PTPRD: variants seen among roughly 807,000 people sequenced by gnomAD.
PTPRD encodes receptor-type tyrosine-protein phosphatase delta.
In PTPRD, 34 loss-of-function variants were observed where a neutral mutation model predicts 214.5. That is an observed-to-expected ratio of 0.16 (90% CI 0.12 to 0.21). The LOEUF (loss-of-function observed/expected upper bound fraction) is 0.21, where lower values mean the gene tolerates loss of function less well. Ranked by LOEUF, PTPRD falls within the 10% of genes least tolerant of loss-of-function variation. PTPRD has a pLI of 1.00. For synonymous variants in PTPRD, 1,128 were observed against 845.7 expected (o/e 1.33, Z -5.79); for missense variants, 2,545 against 2,398.7 (o/e 1.06, Z -1.27).
chr9:9,657,685 T>C (rs1272477901), intron 7 of PTPRD, among the ~76,000 whole-genome samples: 1 of 152,232 alleles, frequency 6.6e-6, no homozygotes, highest in African/African-American at 2.4e-5. Flanking sequence ...GTTTTTATTA[T>C]TGGCAGAATT....
intron 6 of PTPRD, among the ~76,000 whole-genome samples, chr9:9,742,481 C>T (rs2098414302): frequency 6.6e-6 from 1 of 152,010 alleles, no homozygotes; most frequent in Admixed American, 6.5e-5. Context: ...GTATGATTTT[C>T]TTTTTTGTAA....
intron 34 of PTPRD, among the ~76,000 whole-genome samples, chr9:8,437,993 C>T (rs950595697): frequency 6.6e-6 from 1 of 152,084 alleles, no homozygotes; most frequent in Non-Finnish European, 1.5e-5. Flanking sequence ...GATATAAATT[C>T]CAGCTGGCTA....
chr9:9,938,366 T>C (rs1156467436), intron 5 of PTPRD, 141 bp downstream of exon 5: 17 of 152,204 alleles, frequency 1.1e-4, no homozygotes, highest in Admixed American at 1.1e-3. Context: ...AATTATACTA[T>C]TTTAAAGAAA....
chr9:9,275,085 ATATATGT>A (rs1944601937), intron 9 of PTPRD, among the ~76,000 whole-genome samples: 2 of 69,180 alleles, frequency 2.9e-5, no homozygotes, highest in Non-Finnish European at 5.5e-5. Flanking sequence ...TATATATAAT[ATATATGT>A]TATATATATA....
At chr9:9,567,110 T>A (rs2084796503) in intron 8 of PTPRD, among the ~76,000 whole-genome samples, 1 of 152,050 alleles carries the variant, frequency 6.6e-6, no homozygotes, top group East Asian at 1.9e-4. Context: ...ATAGGTCACC[T>A]GAAGATTCAT....
intron 7 of PTPRD, among the ~76,000 whole-genome samples, chr9:9,592,241 A>G (rs559221537): frequency 6.6e-6 from 1 of 152,090 alleles, no homozygotes. Flanking sequence ...CCTAAATTAT[A>G]TCTTGTTCCA....
At chr9:8,613,367 C>T (rs1440611139) in intron 14 of PTPRD, among the ~76,000 whole-genome samples, 1 of 152,090 alleles carries the variant, frequency 6.6e-6, no homozygotes, top group Admixed American at 6.6e-5. Flanking sequence ...AGGGTGTAAA[C>T]ATTATAATAT....
chr9:9,093,464 A>G (rs2099779135), intron 10 of PTPRD, among the ~76,000 whole-genome samples: 1 of 152,026 alleles, frequency 6.6e-6, no homozygotes, highest in Non-Finnish European at 1.5e-5. Flanking sequence ...ATTTAAGAGA[A>G]TTAAAATTAT....
intron 3 of PTPRD, among the ~76,000 whole-genome samples, chr9:10,299,173 T>C (rs2095786890): frequency 6.6e-6 from 1 of 152,202 alleles, no homozygotes; most frequent in African/African-American, 2.4e-5. Context: ...TTTTAAAATC[T>C]ATTTTTACAT....
At chr9:8,409,070 T>C (rs776520798) in intron 35 of PTPRD, among the ~76,000 whole-genome samples, 8 of 152,210 alleles carry the variant, frequency 5.3e-5, no homozygotes, top group Non-Finnish European at 8.8e-5. Context: ...TTGCATTGTA[T>C]TCTCGACAAA....
At chr9:8,933,868 A>C (rs1429303031) in intron 11 of PTPRD, among the ~76,000 whole-genome samples, 5 of 152,184 alleles carry the variant, frequency 3.3e-5, no homozygotes, top group African/African-American at 1.2e-4. Flanking sequence ...AAAGTTTAAC[A>C]GACTTTAATA....
intron 7 of PTPRD, among the ~76,000 whole-genome samples, chr9:9,663,972 A>G (rs559930491): frequency 2.6e-4 from 39 of 151,324 alleles, no homozygotes; most frequent in African/African-American, 9.4e-4. Flanking sequence ...CCTATATAAC[A>G]TATTACAATG....
chr9:8,689,693 G>C (rs1419787780), intron 12 of PTPRD, among the ~76,000 whole-genome samples: 1 of 152,176 alleles, frequency 6.6e-6, no homozygotes, highest in Non-Finnish European at 1.5e-5. Context: ...TGAGATTTGG[G>C]TGGGGACACA....
At chr9:8,654,056 G>A (rs1041774379) in intron 12 of PTPRD, among the ~76,000 whole-genome samples, 5 of 152,144 alleles carry the variant, frequency 3.3e-5, no homozygotes, top group African/African-American at 1.2e-4. Context: ...CATTGCAAGA[G>A]ATTGAGCAAC....
chr9:9,399,763 A>C (rs2069450894), intron 8 of PTPRD, among the ~76,000 whole-genome samples: 11 of 152,012 alleles, frequency 7.2e-5, no homozygotes, highest in Admixed American at 7.2e-4. Flanking sequence ...GCAAGACATG[A>C]CTTTGCTCCT....
intron 8 of PTPRD, among the ~76,000 whole-genome samples, chr9:9,491,862 C>T (rs1258380318): frequency 6.6e-6 from 1 of 151,744 alleles, no homozygotes; most frequent in African/African-American, 2.4e-5. Context: ...ACAAGCTACA[C>T]CCAAAGCTAG....
rs867884876 is a variant in PTPRD at position 8,484,270 on chromosome 9, G to A, written c.3262C>T (p.Arg1088Cys). 3.1e-6 allele frequency: 5 copies of A among 1,613,940 alleles called. No homozygotes were observed. Among genetic ancestry groups the A allele is most frequent in the Non-Finnish European group, 2.5e-6 (3 of 1,180,020 alleles). The change falls in exon 30 of 46, where the codon CGT (arginine) becomes TGT (cysteine). Residue 1088 changes from arginine (R) to cysteine (C), a missense_variant. Arg to Cys is a radical substitution (Grantham distance 180). Transcript: ENST00000381196. ...TGCAGCCCACCAGCACTGTTTCCAC[G>A]ATTTGTCAGCACAAATGAATATGAT... ...EKSYSFVLTN[R>C]GNSAGGLQHR...
chr9:10,093,714 C>T (rs777967387), intron 3 of PTPRD, among the ~76,000 whole-genome samples: 55 of 151,194 alleles, frequency 3.6e-4, no homozygotes, highest in Non-Finnish European at 6.8e-4. Flanking sequence ...TATGGTGGAT[C>T]GGATAAACAA....
chr9:8,321,487 G>GTGTGTGTATATATA (rs1168847469), intron 44 of PTPRD, among the ~76,000 whole-genome samples: 1 of 44,554 alleles, frequency 2.2e-5, no homozygotes, highest in Non-Finnish European at 3.9e-5. Context: ...GTGTGTGTGT[G>GTGTGTGTATATATA]TATATATATA....
Sources: gnomAD v4.1 joint callset for allele counts (sites outside exome capture counted in the v4.1 genomes callset) on GRCh38, gnomAD v4.1.1 for gene constraint, MANE v1.5 for transcripts, NCBI Gene and HGNC (gene_info 2026-07-23, HGNC 2026-07-21) for gene names.